The following TBX15 variants were observed in gnomAD, a reference collection of about 807,000 sequenced individuals.
TBX15 encodes the protein T-box transcription factor 15.
A neutral mutation model predicts 53.9 loss-of-function variants in TBX15; 18 were observed. The ratio of observed to expected loss-of-function variants is 0.33; its 90% confidence interval spans 0.23 to 0.49. TBX15 has a LOEUF of 0.49. Ranked by LOEUF, TBX15 falls within the 20% of genes least tolerant of loss-of-function variation. TBX15 has a pLI of 0.98. For synonymous variants in TBX15, 295 were observed against 278.0 expected, an observed-to-expected ratio of 1.06 and a Z score of -0.61; for missense variants, 692 against 749.5, an observed-to-expected ratio of 0.92 and a Z score of 0.90.
intron 1 of TBX15, among the ~76,000 whole-genome samples, chr1:118,947,096 GGCAATGTCT>G (rs1298345639): frequency 3.9e-5 from 6 of 152,196 alleles, no homozygotes; most frequent in Non-Finnish European, 7.4e-5. Context: ...TGTCCTCTAA[GGCAATGTCT>G]GCATCTGGCA....
At chr1:118,947,031 G>C (rs1455071415) in intron 1 of TBX15, among the ~76,000 whole-genome samples, 3 of 152,180 alleles carry the variant, frequency 2.0e-5, no homozygotes, top group Non-Finnish European at 4.4e-5. Context: ...CCCCTCACTG[G>C]GGATGTGCTC....
chr1:118,988,874 G>A (rs1106529), upstream of TBX15, among the ~76,000 whole-genome samples: 116,909 of 152,184 alleles, frequency 0.77, 45,504 homozygotes, highest in African/African-American at 0.87. Flanking sequence ...AAACAAACAA[G>A]CAAACAGAAA....
rs577316315 is a variant in TBX15 at position 118,905,842 on chromosome 1, G to A, written c.927-6717C>T. 3.9e-5 allele frequency among the ~76,000 whole-genome samples: 6 copies of A among 152,334 alleles called. No homozygotes were observed. In the East Asian group the frequency reaches 1.2e-3, roughly 29 times the overall value. ...ATGCTGGTTGAATTAAAGACAAGTG[G>A]TCAGTTCACTGGCTCTAAGCTCACT... On this transcript the variant is annotated intron_variant, in intron 6 of 7. Coordinates refer to ENST00000369429, the MANE Select transcript of TBX15 (RefSeq NM_001330677.2).
intron 5 of TBX15, among the ~76,000 whole-genome samples, chr1:118,923,120 T>G (rs779934752): frequency 2.6e-5 from 4 of 151,882 alleles, no homozygotes; most frequent in South Asian, 4.2e-4. Context: ...TACAGTTTTC[T>G]GTATGGACCC....
chr1:118,966,214 T>C (rs1201458082), intron 1 of TBX15, among the ~76,000 whole-genome samples: 1 of 152,182 alleles, frequency 6.6e-6, no homozygotes, highest in Non-Finnish European at 1.5e-5. Context: ...GAACCAATCT[T>C]GTGACTTTGA....
At position 118,926,516 on chromosome 1, in the gene TBX15, C is replaced by T; in HGVS notation, c.515G>A (p.Arg172Lys). The T allele has an allele frequency of 6.2e-7, 1 of 1,613,210 alleles. No individual in the cohort carries two copies. The highest frequency in any genetic ancestry group is 8.5e-7 in the Non-Finnish European group (1 of 1,179,364). ...ATCCCAGAGTTATTGTTACCTGTAT[C>T]TTTTATTGTCCACAGGCACAATGTC... Reference protein sequence around the residue: ...AMDIVPVDNKRYRYVYHSSKW... With the variant: ...AMDIVPVDNKKYRYVYHSSKW... Residue 172 changes from arginine to lysine, a missense_variant, in exon 3 of 8, where the codon AGA becomes AAA. Arg to Lys is a conservative substitution (Grantham distance 26, BLOSUM62 2). Coordinates refer to ENST00000369429, the MANE Select transcript of TBX15 (RefSeq NM_001330677.2).
At chr1:118,898,135 G>A (rs1318428933) in intron 7 of TBX15, among the ~76,000 whole-genome samples, 2 of 152,164 alleles carry the variant, frequency 1.3e-5, no homozygotes, top group East Asian at 1.9e-4. Flanking sequence ...AAAAGTTGAG[G>A]GACTTGACCA....
intron 7 of TBX15, among the ~76,000 whole-genome samples, chr1:118,897,911 G>A (rs1046465865): frequency 1.3e-5 from 2 of 152,170 alleles, no homozygotes; most frequent in Non-Finnish European, 2.9e-5. Context: ...TCGTCAGAAA[G>A]GCAATATTCC....
intron 5 of TBX15, among the ~76,000 whole-genome samples, chr1:118,915,504 A>T (rs533653076): frequency 6.6e-6 from 1 of 152,346 alleles, no homozygotes; most frequent in African/African-American, 2.4e-5. Context: ...TTGCACACTA[A>T]TTATGCAGCA....
intron 5 of TBX15, among the ~76,000 whole-genome samples, chr1:118,918,540 C>T (rs111958770): frequency 0.014 from 2,158 of 152,272 alleles, 59 homozygotes; most frequent in African/African-American, 0.049. Context: ...TAAAACAAGT[C>T]TGCTAGTCTA....
intron 7 of TBX15, among the ~76,000 whole-genome samples, chr1:118,887,794 C>T (rs780753731): frequency 1.3e-5 from 2 of 151,234 alleles, no homozygotes; most frequent in African/African-American, 2.4e-5. Flanking sequence ...AAAGAGGAAC[C>T]GAAAGTTAAT....
chr1:118,947,268 A>G (rs1005914532), intron 1 of TBX15, among the ~76,000 whole-genome samples: 2 of 152,252 alleles, frequency 1.3e-5, no homozygotes, highest in African/African-American at 4.8e-5. Context: ...TCTGCTACCA[A>G]GAACCTCCTG....
intron 7 of TBX15, among the ~76,000 whole-genome samples, chr1:118,893,408 AGGAAGAAG>A (rs1557872674): frequency 1.7e-5 from 2 of 121,028 alleles, no homozygotes; most frequent in African/African-American, 7.8e-5. Context: ...AAAGAAAGAA[AGGAAGAAG>A]GAAAGAAAGA....
chr1:118,979,005 C>T (rs1657544882), intron 1 of TBX15, among the ~76,000 whole-genome samples: 1 of 152,170 alleles, frequency 6.6e-6, no homozygotes, highest in African/African-American at 2.4e-5. Flanking sequence ...AACTAAACCA[C>T]CCGAGGCACC....
intron 1 of TBX15, among the ~76,000 whole-genome samples, chr1:118,941,962 A>C (rs1385956604): frequency 6.6e-6 from 1 of 152,228 alleles, no homozygotes; most frequent in African/African-American, 2.4e-5. Context: ...AACTTTTATG[A>C]ACTATTAACA....
At position 118,953,401 on chromosome 1, in the gene TBX15, T is replaced by C. The variant is rs1220352971; in HGVS notation, c.206-21569A>G. ...CTGCTCCACATCCCCAAGAGAAACATGGGGTCTCCACTGTTTCACTCATTC... is the reference window on the plus strand; with the variant it reads ...CTGCTCCACATCCCCAAGAGAAACACGGGGTCTCCACTGTTTCACTCATTC... On this transcript the variant is annotated intron_variant, in intron 1 of 7. Coordinates refer to ENST00000369429, the MANE Select transcript of TBX15 (RefSeq NM_001330677.2). Among the ~76,000 whole-genome samples the C allele has an allele frequency of 2.0e-5, 3 of 152,156 alleles. No homozygotes were observed. The East Asian group carries it at 5.8e-4, about 29-fold the overall frequency.
intron 6 of TBX15, 24 bp downstream of exon 6, chr1:118,914,091 T>A (rs544416588): frequency 2.9e-5 from 47 of 1,612,522 alleles, no homozygotes; most frequent in Admixed American, 1.2e-4. Context: ...AGAAAAGAAG[T>A]GCCTCTTCCC....
At chr1:118,909,556 G>A (rs1654958183) in intron 6 of TBX15, among the ~76,000 whole-genome samples, 1 of 151,912 alleles carries the variant, frequency 6.6e-6, no homozygotes, top group East Asian at 1.9e-4. Flanking sequence ...CTGTTTTGTT[G>A]TTGTTGTTGT....
chr1:118,987,631 G>A lies in TBX15; in HGVS notation c.165C>T (p.Asp55=), dbSNP rs1229683281. The change falls in exon 1 of 8, where the codon GAC becomes GAT. Residue 55 remains aspartate, a synonymous_variant. Coordinates refer to ENST00000369429, the MANE Select transcript of TBX15 (RefSeq NM_001330677.2). ...EALSPAGPLG[D]TEDAAAHGLE... is the part of the protein sequence containing the mutation. ...GGCCGTGTGCCGCCGCGTCCTCCGTGTCTCCGAGTGGGCCCGCGGGGCTCA... is the reference window on the plus strand; with the variant it reads ...GGCCGTGTGCCGCCGCGTCCTCCGTATCTCCGAGTGGGCCCGCGGGGCTCA... 4 of 1,549,796 alleles carry A rather than the reference G, an allele frequency of 2.6e-6. No homozygotes were observed. The African/African-American group carries it at 4.1e-5, about 16-fold the overall frequency.
Sources: gnomAD v4.1 joint callset for allele counts (sites outside exome capture counted in the v4.1 genomes callset) on GRCh38, gnomAD v4.1.1 for gene constraint, MANE v1.5 for transcripts, NCBI Gene and HGNC (gene_info 2026-07-23, HGNC 2026-07-21) for gene names.